The following BIRC6 variants were observed in gnomAD, a reference collection of about 807,000 sequenced individuals.
BIRC6 encodes dual E2 ubiquitin-conjugating enzyme/E3 ubiquitin-protein ligase BIRC6.
Under a neutral mutation model 503.3 loss-of-function variants are expected in BIRC6, and 98 were observed. The ratio of observed to expected loss-of-function variants is 0.19; its 90% CI spans 0.17 to 0.23. The LOEUF is 0.23. Among genes scored for constraint, BIRC6 ranks in the 10% least tolerant of loss-of-function variants. The pLI, the probability that BIRC6 is intolerant of heterozygous loss-of-function variation, is 1.00. For synonymous variants in BIRC6, 2,240 were observed against 2,078.7 expected (o/e 1.08, Z -2.11); for missense variants, 5,360 against 5,806.0 (o/e 0.92, Z 2.50).
Position 32,482,575 on chromosome 2 carries a change from C to G in BIRC6, c.7689C>G (p.Val2563=). Residue 2563 remains valine (V), a synonymous_variant, in exon 39 of 74, where the codon GTC becomes GTG. Coordinates refer to ENST00000421745, the MANE Select transcript of BIRC6 (RefSeq NM_016252.4). The part of the protein sequence containing the change: ...KNGSQTVSVS[V]SQALDARLEV... ...GATCACAGACAGTTAGCGTTTCAGT[C>G]TCTCAGGGTAAGTGTATGTTTATAT... 1 of 1,613,810 alleles carries G rather than the reference C, an allele frequency of 6.2e-7. No individual in the cohort carries two copies. Among genetic ancestry groups the G allele is most frequent in the Non-Finnish European group, 8.5e-7 (1 of 1,179,778 alleles).
At chr2:32,502,969 T>C (rs1205490592) in intron 48 of BIRC6, 73 bp from the exon 49 acceptor site, 1 of 1,516,180 alleles carries the variant, frequency 6.6e-7, no homozygotes, top group Non-Finnish European at 9.0e-7. Context: ...TGTAGTCTTT[T>C]GTGGAAGTTT....
intron 30 of BIRC6, 41 bp from the exon 31 acceptor site, chr2:32,470,127 T>C: frequency 7.2e-7 from 1 of 1,381,584 alleles, no homozygotes; most frequent in East Asian, 2.7e-5. Flanking sequence ...AACAATCGAA[T>C]TGATTCTTAT....
At chr2:32,403,273 G>A (rs1029370532) in intron 8 of BIRC6, among the ~76,000 whole-genome samples, 1 of 152,134 alleles carries the variant, frequency 6.6e-6, no homozygotes, top group Non-Finnish European at 1.5e-5. Context: ...GATCCAATAT[G>A]TTTGGTTATA....
intron 71 of BIRC6, among the ~76,000 whole-genome samples, chr2:32,606,453 C>T (rs550139280): frequency 5.3e-5 from 8 of 151,652 alleles, no homozygotes; most frequent in African/African-American, 1.5e-4. Context: ...ATTAGCCCTG[C>T]TTGGTGATGC....
intron 41 of BIRC6, 84 bp from the exon 42 acceptor site, chr2:32,488,504 A>C: frequency 4.1e-6 from 5 of 1,207,942 alleles, no homozygotes; most frequent in Non-Finnish European, 5.7e-6. Context: ...CGTGACAAGA[A>C]TTTAAACATA....
Position 32,415,660 on chromosome 2 carries a change from T to C in BIRC6, c.2369T>C (p.Val790Ala). Reference protein sequence around the residue: ...RKGELESNLAVVNGANISVIQ... With the variant: ...RKGELESNLAAVNGANISVIQ... ...GGTGAGCTGGAATCAAATCTTGCTGTAGTGAATGGTGCAAATATTAGTGTA... is the reference window on the plus strand; with the variant it reads ...GGTGAGCTGGAATCAAATCTTGCTGCAGTGAATGGTGCAAATATTAGTGTA... The change falls in exon 10 of 74, where the codon GTA becomes GCA. Residue 790 changes from valine to alanine, a missense_variant. By Grantham distance (64) the Val-to-Ala change is moderately conservative. Around this residue, in one of 16 missense-constraint regions of BIRC6, gnomAD observed 700 missense variants for 739.3 expected, o/e 0.95. Coordinates refer to ENST00000421745, the MANE Select transcript of BIRC6 (RefSeq NM_016252.4). 6.2e-7 allele frequency: 1 copy of C among 1,613,938 alleles called. No individual in the cohort carries two copies.
At chr2:32,529,904 AC>A in intron 60 of BIRC6, 80 bp downstream of exon 60, 1 of 945,200 alleles carries the variant, frequency 1.1e-6, no homozygotes. Context: ...GACTTAATTG[AC>A]TTGTGTTTTT....
intron 65 of BIRC6, chr2:32,564,536 C>G (rs1199166840): frequency 6.6e-6 from 1 of 152,166 alleles, no homozygotes; most frequent in Admixed American, 6.5e-5. Context: ...TTACAATAAT[C>G]TTACTGGGTG....
At chr2:32,514,809 AAT>A (rs1269989595) in intron 54 of BIRC6, among the ~76,000 whole-genome samples, 179 bp from the exon 55 acceptor site, 3 of 151,996 alleles carry the variant, frequency 2.0e-5, no homozygotes, top group Non-Finnish European at 2.9e-5. Context: ...TTCAATTTTA[AAT>A]ATATATATGT....
intron 70 of BIRC6, among the ~76,000 whole-genome samples, chr2:32,601,589 AAAG>A (rs929172483): frequency 6.6e-6 from 1 of 152,252 alleles, no homozygotes; most frequent in Non-Finnish European, 1.5e-5. Flanking sequence ...CTAAAAAAAA[AAAG>A]AACCACCTAT....
chr2:32,379,383 C>T (rs1238019643), intron 2 of BIRC6: 1 of 152,122 alleles, frequency 6.6e-6, no homozygotes. Context: ...GTTTAACAAA[C>T]AATTAAAGAA....
chr2:32,503,197 C>G lies in BIRC6; in HGVS notation c.9460C>G (p.Pro3154Ala). 1 of 1,612,268 alleles carries G rather than the reference C, an allele frequency of 6.2e-7. No individual in the cohort carries two copies. Among genetic ancestry groups the G allele is most frequent in the Non-Finnish European group, 8.5e-7 (1 of 1,179,350 alleles). ...TLKTRILASE[P>A]DNAEGIHNFA... Reference sequence around the variant, plus strand: ...GAAAACAAGAATACTAGCTTCTGAGCCTGACAATGCTGAAGGGATTCATAA... The same window carrying G: ...GAAAACAAGAATACTAGCTTCTGAGGCTGACAATGCTGAAGGGATTCATAA... The change falls in exon 49 of 74, where the codon CCT becomes GCT. Residue 3154 changes from proline (P) to alanine (A), a missense_variant. Physicochemically the swap from Pro to Ala is conservative, Grantham distance 27. Around this residue, in one of 16 missense-constraint regions of BIRC6, gnomAD observed 267 missense variants for 287.6 expected, o/e 0.93. Coordinates refer to ENST00000421745, the MANE Select transcript of BIRC6 (RefSeq NM_016252.4).
In BIRC6 at chr2:32,505,724, G is replaced by A. The variant is rs138301416; in HGVS notation, c.9700+519G>A. 9.9e-5 allele frequency among the ~76,000 whole-genome samples: 15 copies of A among 152,166 alleles called. No individual in the cohort carries two copies. In the East Asian group the frequency reaches 2.5e-3, roughly 25 times the overall value. On this transcript the variant is annotated intron_variant, in intron 50 of 73. Transcript: ENST00000421745. The stretch of plus-strand genomic sequence containing the variant: ...GTATCCTTGTAATATTGTATCATTC[G>A]TTTGTTGCATGTTCATTGAATACAT...
chr2:32,572,963 C>G (rs1473283272), intron 65 of BIRC6, among the ~76,000 whole-genome samples: 2 of 152,164 alleles, frequency 1.3e-5, no homozygotes, highest in African/African-American at 4.8e-5. Context: ...CCTGTTACAA[C>G]TTAATCCCCA....
At chr2:32,572,464 T>C (rs1573098078) in intron 65 of BIRC6, among the ~76,000 whole-genome samples, 1 of 152,182 alleles carries the variant, frequency 6.6e-6, no homozygotes, top group Admixed American at 6.5e-5. Flanking sequence ...AGTGCTATTA[T>C]TGAGTCATAG....
chr2:32,414,992 A>G lies in BIRC6; in HGVS notation c.1701A>G (p.Leu567=). The change falls in exon 10 of 74, where the codon TTA becomes TTG. Residue 567 remains leucine (L), a synonymous_variant. Coordinates refer to ENST00000421745, the MANE Select transcript of BIRC6 (RefSeq NM_016252.4). The part of the protein sequence containing the change: ...QEQHNIPFPC[L]LAGGLLTYKS... ...AACACAACATTCCTTTTCCATGTTTATTAGCTGGAGGTTTATTAACATATA... is the reference window on the plus strand; with the variant it reads ...AACACAACATTCCTTTTCCATGTTTGTTAGCTGGAGGTTTATTAACATATA... The G allele has an allele frequency of 6.2e-7, 1 of 1,613,928 alleles. No individual in the cohort carries two copies. The highest frequency in any genetic ancestry group is 2.2e-5 in the East Asian group (1 of 44,874).
intron 1 of BIRC6, among the ~76,000 whole-genome samples, chr2:32,375,519 C>T (rs2036616156): frequency 6.6e-6 from 1 of 152,016 alleles, no homozygotes; most frequent in Non-Finnish European, 1.5e-5. Context: ...AAACTCCAGA[C>T]CTTGTGATCC....
chr2:32,448,670 GA>G (rs1377662997), intron 21 of BIRC6, 124 bp from the exon 22 acceptor site: 1 of 697,230 alleles, frequency 1.4e-6, no homozygotes, highest in Non-Finnish European at 2.3e-6. Context: ...GGAGAGGGGA[GA>G]GGGGAGAGGG....
chr2:32,439,803 G>T, intron 16 of BIRC6, 117 bp downstream of exon 16: 1 of 894,222 alleles, frequency 1.1e-6, no homozygotes, highest in South Asian at 2.3e-5. Context: ...CGCTTGGTTT[G>T]TTTGTATTTT....
Sources: allele counts gnomAD v4.1 joint callset (sites outside exome capture counted in the v4.1 genomes callset), GRCh38; gene constraint gnomAD v4.1.1; regional missense constraint gnomAD v4.1.1; transcripts MANE v1.5; gene names NCBI Gene and HGNC (gene_info 2026-07-23, HGNC 2026-07-21).